VPS13B: variants seen among roughly 807,000 people sequenced by gnomAD.
VPS13B encodes the protein intermembrane lipid transfer protein VPS13B.
VPS13B carries 285 observed loss-of-function variants against 426.4 expected under a neutral mutation model. The observed-to-expected ratio is 0.67, with a 90% CI of 0.61 to 0.74. The LOEUF is 0.74. VPS13B is among the 30% of genes least tolerant of loss of function. The pLI is 0.00. For synonymous variants in VPS13B, 1,676 were observed against 1,676.4 expected, an observed-to-expected ratio of 1.00 and a Z score of 0.01; for missense variants, 4,537 against 4,782.6, an observed-to-expected ratio of 0.95 and a Z score of 1.51.
chr8:99,692,858 G>A (rs1831747928), intron 35 of VPS13B, among the ~76,000 whole-genome samples: 1 of 145,184 alleles, frequency 6.9e-6, no homozygotes, highest in Admixed American at 7.0e-5. Flanking sequence ...AATGATAAAG[G>A]GGATATCACC....
intron 23 of VPS13B, among the ~76,000 whole-genome samples, chr8:99,444,934 T>C (rs1373062115): frequency 6.6e-6 from 1 of 152,062 alleles, no homozygotes; most frequent in Non-Finnish European, 1.5e-5. Context: ...TAGGTATTAG[T>C]CACCCTGCCC....
chr8:99,257,826 A>G (rs565642856), intron 17 of VPS13B, among the ~76,000 whole-genome samples: 59 of 150,548 alleles, frequency 3.9e-4, no homozygotes, highest in African/African-American at 1.4e-3. Context: ...CCCAAGAGTG[A>G]TGGGTTTCTC....
intron 44 of VPS13B, among the ~76,000 whole-genome samples, chr8:99,810,094 G>A (rs547281800): frequency 2.5e-4 from 38 of 152,120 alleles, no homozygotes; most frequent in Non-Finnish European, 5.0e-4. Context: ...ATATTTTTAC[G>A]TATTTTATAA....
chr8:99,568,240 T>TG (rs1391576007), intron 31 of VPS13B, among the ~76,000 whole-genome samples: 1 of 151,756 alleles, frequency 6.6e-6, no homozygotes, highest in Non-Finnish European at 1.5e-5. Context: ...GTGCTCTTGT[T>TG]GAAAAAAAAG....
At chr8:99,224,105 A>G (rs886980716) in intron 17 of VPS13B, among the ~76,000 whole-genome samples, 24 of 152,148 alleles carry the variant, frequency 1.6e-4, no homozygotes, top group African/African-American at 2.4e-4. Context: ...TAGGTCTGTG[A>G]GGTTGTGCGG....
intron 30 of VPS13B, among the ~76,000 whole-genome samples, chr8:99,547,323 A>T (rs1030387455): frequency 6.8e-6 from 1 of 147,896 alleles, no homozygotes. Context: ...GACAATTATT[A>T]TATCCCCTGT....
intron 17 of VPS13B, chr8:99,233,242 T>A: frequency 8.2e-7 from 1 of 1,222,766 alleles, no homozygotes; most frequent in Non-Finnish European, 1.2e-6. Context: ...AGTTAAGTTA[T>A]GCAGTTCATT....
intron 19 of VPS13B, among the ~76,000 whole-genome samples, chr8:99,372,060 G>A (rs1446640357): frequency 6.6e-6 from 1 of 151,876 alleles, no homozygotes; most frequent in East Asian, 1.9e-4. Flanking sequence ...GACCATCCTG[G>A]CTAACACGGT....
At chr8:99,450,557 C>A (rs1818138856) in intron 23 of VPS13B, among the ~76,000 whole-genome samples, 1 of 151,946 alleles carries the variant, frequency 6.6e-6, no homozygotes, top group Admixed American at 6.6e-5. Flanking sequence ...TACTAAAATA[C>A]AAAAAATTAG....
Position 99,779,045 on chromosome 8 carries a change from A to G in VPS13B, c.7779+14A>G. 3 of 1,609,648 alleles carry G rather than the reference A, an allele frequency of 1.9e-6. No individual in the cohort carries two copies. The highest frequency in any genetic ancestry group is 2.5e-6 in the Non-Finnish European group (3 of 1,176,904). On this transcript the variant is annotated intron_variant, in intron 42 of 61. Transcript: ENST00000357162. The stretch of plus-strand genomic sequence containing the variant: ...GCTTGGCAACAGGTATGCACATTCC[A>G]TAACAGTTTACAGTTTGGCCACATA...
At chr8:99,753,426 A>G (rs1810492344) in intron 39 of VPS13B, among the ~76,000 whole-genome samples, 1 of 152,210 alleles carries the variant, frequency 6.6e-6, no homozygotes, top group South Asian at 2.1e-4. Flanking sequence ...ACAAATAAGT[A>G]AAATATCTGA....
chr8:99,114,396 A>T (rs1327538662), intron 6 of VPS13B, among the ~76,000 whole-genome samples: 1 of 152,304 alleles, frequency 6.6e-6, no homozygotes, highest in South Asian at 2.1e-4. Flanking sequence ...TTATCAGTTC[A>T]GGTTCTTTAT....
intron 35 of VPS13B, among the ~76,000 whole-genome samples, chr8:99,676,442 G>A (rs1394056097): frequency 3.3e-5 from 5 of 151,896 alleles, no homozygotes; most frequent in Non-Finnish European, 5.9e-5. Context: ...CTAAATAAGG[G>A]GCTACAAGAG....
chr8:99,679,360 T>C (rs1831064038), intron 35 of VPS13B, among the ~76,000 whole-genome samples: 1 of 152,178 alleles, frequency 6.6e-6, no homozygotes, highest in African/African-American at 2.4e-5. Context: ...TGGTTATTAC[T>C]AAGAGGGAGG....
rs573694905 is a variant in VPS13B, at chr8:99,671,619, G to A, written c.6046+10128G>A. ...TAGTTTTTGGTCTTACTACATTTAA[G>A]TCTTCAATCTATTTTGAAGCTTTTG... On this transcript the variant is annotated intron_variant, in intron 35 of 61. Transcript: ENST00000357162. Among the ~76,000 whole-genome samples, 3 of 152,144 alleles carry A rather than the reference G, an allele frequency of 2.0e-5. No homozygotes were observed. In the East Asian group the frequency reaches 5.8e-4, roughly 29 times the overall value.
intron 43 of VPS13B, among the ~76,000 whole-genome samples, chr8:99,808,570 T>C (rs953113613): frequency 6.6e-5 from 10 of 151,890 alleles, no homozygotes; most frequent in Non-Finnish European, 1.3e-4. Context: ...TAGAACGTTG[T>C]TTTCATTTAA....
At chr8:99,583,455 T>C (rs1053323166) in intron 33 of VPS13B, among the ~76,000 whole-genome samples, 1 of 152,198 alleles carries the variant, frequency 6.6e-6, no homozygotes, top group Non-Finnish European at 1.5e-5. Context: ...AATAATGCAT[T>C]GGGCTTTTTT....
At chr8:99,191,604 G>A (rs1449241868) in intron 16 of VPS13B, among the ~76,000 whole-genome samples, 2 of 151,432 alleles carry the variant, frequency 1.3e-5, no homozygotes, top group South Asian at 2.1e-4. Flanking sequence ...GGCTGGTCTC[G>A]AACTCCTGAC....
At chr8:99,446,514 T>A (rs547095513) in intron 23 of VPS13B, among the ~76,000 whole-genome samples, 2 of 152,284 alleles carry the variant, frequency 1.3e-5, no homozygotes, top group South Asian at 4.1e-4. Flanking sequence ...ACTTTTTTTC[T>A]TTCCATACAT....
Sources: allele counts gnomAD v4.1 joint callset (sites outside exome capture counted in the v4.1 genomes callset), GRCh38; gene constraint gnomAD v4.1.1; transcripts MANE v1.5; gene names NCBI Gene and HGNC (gene_info 2026-07-23, HGNC 2026-07-21).